The following ZNF407 variants were observed in gnomAD, a reference collection of about 807,000 sequenced individuals.
The protein encoded by ZNF407 is zinc finger protein 407.
ZNF407 carries 17 observed loss-of-function variants against 131.2 expected under a neutral mutation model. That is an observed-to-expected ratio of 0.13 (90% CI 0.09 to 0.19). ZNF407 has a LOEUF of 0.19. ZNF407 is among the 10% of genes least tolerant of loss of function. The probability of loss-of-function intolerance (pLI) is 1.00; values close to 1 mark genes in which losing one functional copy is unlikely to be tolerated. For missense variants in ZNF407, 2,681 were observed against 2,830.6 expected (o/e 0.95, Z 1.20); for synonymous variants, 1,156 against 1,062.0 (o/e 1.09, Z -1.72).
intron 4 of ZNF407, among the ~76,000 whole-genome samples, chr18:74,862,920 ACT>A (rs1970956778): frequency 1.7e-5 from 2 of 119,804 alleles, no homozygotes; most frequent in African/African-American, 5.4e-5. Flanking sequence ...ATTATTTCTC[ACT>A]TTTTTTTTTT....
At chr18:74,665,097 A>G (rs1175370736) in intron 3 of ZNF407, among the ~76,000 whole-genome samples, 1 of 152,266 alleles carries the variant, frequency 6.6e-6, no homozygotes, top group East Asian at 1.9e-4. Context: ...TGCTAAGCAA[A>G]TAGTGAACAG....
At chr18:74,650,061 T>C (rs1055664584) in intron 3 of ZNF407, among the ~76,000 whole-genome samples, 3 of 152,226 alleles carry the variant, frequency 2.0e-5, no homozygotes, top group Admixed American at 6.5e-5. Context: ...TTCCTTAAGA[T>C]GATAGAACAT....
rs1972141848 is a variant in ZNF407, at chr18:74,945,213, A to T, written c.5428+24521A>T. 1.3e-5 allele frequency among the ~76,000 whole-genome samples: 2 copies of T among 152,100 alleles called. 1 individual carries two copies. Among genetic ancestry groups the T allele is most frequent in the South Asian group, 4.1e-4 (2 of 4,828 alleles). ...AACTAAAACTCTCCACCTGCATTTG[A>T]GATTTTTAAAAGCGGGAGTTGGACT... On this transcript the variant is annotated intron_variant, in intron 8 of 8. Coordinates refer to ENST00000299687, the MANE Select transcript of ZNF407 (RefSeq NM_017757.3).
chr18:74,952,324 C>T (rs1006299283), intron 8 of ZNF407, among the ~76,000 whole-genome samples: 2 of 152,146 alleles, frequency 1.3e-5, no homozygotes, highest in African/African-American at 2.4e-5. Flanking sequence ...GATATTATCC[C>T]TTTAATCCCA....
intron 3 of ZNF407, among the ~76,000 whole-genome samples, chr18:74,760,427 T>C (rs1468947010): frequency 1.3e-5 from 2 of 152,246 alleles, no homozygotes; most frequent in African/African-American, 4.8e-5. Context: ...CTGGAGTATG[T>C]TGGAGCTTTT....
intron 4 of ZNF407, among the ~76,000 whole-genome samples, chr18:74,849,738 C>G (rs1599195743): frequency 6.6e-6 from 1 of 152,216 alleles, no homozygotes; most frequent in African/African-American, 2.4e-5. Context: ...AGACTTACCA[C>G]CATGGGTAGC....
intron 8 of ZNF407, among the ~76,000 whole-genome samples, chr18:74,956,901 A>G (rs1340867625): frequency 6.6e-6 from 1 of 152,176 alleles, no homozygotes; most frequent in East Asian, 1.9e-4. Flanking sequence ...TTGTGAGATA[A>G]TTACATAGAT....
intron 8 of ZNF407, among the ~76,000 whole-genome samples, chr18:75,037,601 C>A (rs1191577028): frequency 6.6e-6 from 1 of 151,760 alleles, no homozygotes; most frequent in African/African-American, 2.4e-5. Context: ...TAATGAAGCC[C>A]GTCCGTCTCA....
intron 4 of ZNF407, among the ~76,000 whole-genome samples, chr18:74,782,746 G>A (rs1391821694): frequency 6.6e-6 from 1 of 152,054 alleles, no homozygotes; most frequent in East Asian, 1.9e-4. Context: ...AGCCTCCCAA[G>A]TATCTGGGAC....
At chr18:74,966,181 G>T (rs1312138377) in intron 8 of ZNF407, among the ~76,000 whole-genome samples, 1 of 152,104 alleles carries the variant, frequency 6.6e-6, no homozygotes, top group Non-Finnish European at 1.5e-5. Flanking sequence ...GATCACATTT[G>T]TCCATTTTTG....
chr18:74,639,987 G>A (rs992632652), intron 2 of ZNF407, among the ~76,000 whole-genome samples: 6 of 151,594 alleles, frequency 4.0e-5, no homozygotes, highest in Non-Finnish European at 7.4e-5. Flanking sequence ...CACATATTTC[G>A]TGTTCTATCT....
chr18:74,851,351 G>A (rs1970780621), intron 4 of ZNF407, among the ~76,000 whole-genome samples: 3 of 152,162 alleles, frequency 2.0e-5, no homozygotes, highest in Non-Finnish European at 1.5e-5. Context: ...CAGAGAACAT[G>A]TATAATCATG....
rs1275574059 is a variant in ZNF407 at position 74,941,059 on chromosome 18, C to CA, written c.5428+20368dup. 2.0e-5 allele frequency among the ~76,000 whole-genome samples: 3 copies of CA among 147,758 alleles called. No homozygotes were observed. The East Asian group carries it at 5.9e-4, about 29-fold the overall frequency. On this transcript the variant is annotated intron_variant, in intron 8 of 8. Coordinates refer to ENST00000299687, the MANE Select transcript of ZNF407 (RefSeq NM_017757.3). ...TGGGGTGAGTGCCCTAAGTGAATCC[C>CA]AGTGGCGGAACCGGGCCCGTCCTTG...
At chr18:74,754,349 T>C (rs1343973073) in intron 3 of ZNF407, among the ~76,000 whole-genome samples, 2 of 152,228 alleles carry the variant, frequency 1.3e-5, no homozygotes, top group African/African-American at 4.8e-5. Context: ...CTTATTTCCT[T>C]CAGTTCTGCA....
intron 4 of ZNF407, among the ~76,000 whole-genome samples, chr18:74,793,002 T>A (rs1969854269): frequency 6.6e-6 from 1 of 152,224 alleles, no homozygotes; most frequent in Non-Finnish European, 1.5e-5. Context: ...AGATTTAACA[T>A]CCATAACATT....
intron 3 of ZNF407, among the ~76,000 whole-genome samples, chr18:74,720,342 A>G (rs1166382123): frequency 6.6e-6 from 1 of 150,788 alleles, no homozygotes; most frequent in Non-Finnish European, 1.5e-5. Flanking sequence ...CCATTTTTAA[A>G]TAGGATTTTT....
chr18:74,849,826 A>G (rs1280365682), intron 4 of ZNF407, among the ~76,000 whole-genome samples: 1 of 152,258 alleles, frequency 6.6e-6, no homozygotes, highest in Non-Finnish European at 1.5e-5. Flanking sequence ...ACTGTGGAAT[A>G]TTGAAAAGTT....
intron 4 of ZNF407, among the ~76,000 whole-genome samples, chr18:74,851,633 A>G (rs550007054): frequency 1.3e-5 from 2 of 152,272 alleles, no homozygotes; most frequent in Non-Finnish European, 2.9e-5. Flanking sequence ...GCAGTCATCA[A>G]TTATCTACTG....
At chr18:75,018,845 A>C (rs1182314128) in intron 8 of ZNF407, among the ~76,000 whole-genome samples, 1 of 152,090 alleles carries the variant, frequency 6.6e-6, no homozygotes, top group East Asian at 1.9e-4. Flanking sequence ...AAACTTCAGG[A>C]GTAAATTTGT....
Sources: allele counts gnomAD v4.1 joint callset (sites outside exome capture counted in the v4.1 genomes callset), GRCh38; gene constraint gnomAD v4.1.1; transcripts MANE v1.5; gene names NCBI Gene and HGNC (gene_info 2026-07-23, HGNC 2026-07-21).